The following PIK3C2G variants were observed in gnomAD, a reference collection of about 807,000 sequenced individuals.
The protein encoded by PIK3C2G is phosphatidylinositol 3-kinase C2 domain-containing subunit gamma.
Under a neutral mutation model 181.1 loss-of-function variants are expected in PIK3C2G, and 168 were observed. The ratio of observed to expected loss-of-function variants is 0.93; its 90% confidence interval spans 0.82 to 1.05. PIK3C2G has a LOEUF of 1.05. PIK3C2G is among the 50% of genes least tolerant of loss of function. The probability of loss-of-function intolerance (pLI) is 0.00; values close to 1 mark genes in which losing one functional copy is unlikely to be tolerated. For synonymous variants in PIK3C2G, 573 were observed against 592.2 expected (o/e 0.97, Z 0.47); for missense variants, 1,869 against 1,732.8 (o/e 1.08, Z -1.40).
rs751944085 is a variant in PIK3C2G at position 18,491,459 on chromosome 12, GAAGA to G, written c.2701_2704del (p.Glu901LeufsTer4). The G allele has an allele frequency of 1.3e-6, 2 of 1,565,618 alleles. No individual in the cohort carries two copies. Among genetic ancestry groups the G allele is most frequent in the African/African-American group, 1.4e-5 (1 of 74,038 alleles). ...CTAATGATTTTTCACAGGAGGTACTGAAGAAAGAAATTGGCAGACTAGAAGAGTT... is the reference window on the plus strand; with the variant it reads ...CTAATGATTTTTCACAGGAGGTACTGAAGAAATTGGCAGACTAGAAGAGTT... On this transcript the variant is annotated frameshift_variant, in exon 20 of 33. Transcript: ENST00000538779. LOFTEE classifies it high-confidence loss of function.
intron 5 of PIK3C2G, among the ~76,000 whole-genome samples, chr12:18,305,279 AGTTT>A (rs1280295276): frequency 1.3e-5 from 2 of 152,182 alleles, no homozygotes; most frequent in African/African-American, 2.4e-5. Flanking sequence ...TGCTAAATAA[AGTTT>A]GTTTATTATG....
At chr12:18,337,959 C>A (rs1008903879) in intron 8 of PIK3C2G, among the ~76,000 whole-genome samples, 4 of 152,158 alleles carry the variant, frequency 2.6e-5, no homozygotes, top group African/African-American at 9.7e-5. Flanking sequence ...GTTTGCCCAA[C>A]TATACACTGA....
chr12:18,720,136 T>C, the PIK3C2G span, among the ~76,000 whole-genome samples: 2 of 152,156 alleles, frequency 1.3e-5, no homozygotes, highest in South Asian at 2.1e-4. Context: ...TGGTTTCTTT[T>C]ACTCAACATT....
At chr12:18,350,316 TAA>T (rs1256142474) in intron 11 of PIK3C2G, among the ~76,000 whole-genome samples, 2 of 152,146 alleles carry the variant, frequency 1.3e-5, no homozygotes, top group African/African-American at 2.4e-5. Context: ...AAAAATCCCT[TAA>T]GTCACTCATA....
chr12:18,434,493 C>A (rs1219228184), intron 18 of PIK3C2G, among the ~76,000 whole-genome samples: 1 of 152,064 alleles, frequency 6.6e-6, no homozygotes, highest in African/African-American at 2.4e-5. Context: ...AGAATCATAG[C>A]ATATAATTGT....
intron 29 of PIK3C2G, among the ~76,000 whole-genome samples, chr12:18,582,439 G>T (rs1490833822): frequency 2.6e-5 from 4 of 152,114 alleles, no homozygotes; most frequent in Admixed American, 2.6e-4. Flanking sequence ...GACAGACTGA[G>T]CTACGTAGAA....
chr12:18,622,513 A>C (rs1417396963), intron 31 of PIK3C2G, among the ~76,000 whole-genome samples: 12 of 151,972 alleles, frequency 7.9e-5, no homozygotes, highest in African/African-American at 1.4e-4. Context: ...TGCTGCAATA[A>C]ATATGGCAGT....
the PIK3C2G span, among the ~76,000 whole-genome samples, chr12:18,680,184 T>A: frequency 2.0e-4 from 31 of 152,052 alleles, no homozygotes. Context: ...AGTCCCCCAG[T>A]AAAATGTCCA....
chr12:18,338,320 A>G, intron 8 of PIK3C2G, 106 bp from the exon 9 acceptor site: 4 of 871,496 alleles, frequency 4.6e-6, no homozygotes, highest in Non-Finnish European at 7.1e-6. Context: ...AAACAAGCAT[A>G]TTTTATTCCA....
In PIK3C2G at chr12:18,282,652, G is replaced by C. The variant is rs768265732; in HGVS notation, c.571G>C (p.Glu191Gln). ...SFSSDFMPKE[E>Q]NKRSGHVNIV... ...CTCAAGTGACTTCATGCCGAAAGAA[G>C]AGAATAAAAGGAGTGGACATGTGAA... The change falls in exon 2 of 33, where the codon GAG becomes CAG. Residue 191 changes from glutamate to glutamine, a missense_variant. By Grantham distance (29) the Glu-to-Gln change is conservative (BLOSUM62 2). Transcript: ENST00000538779. The C allele has an allele frequency of 5.0e-6, 8 of 1,613,472 alleles. No homozygotes were observed. In the East Asian group the frequency reaches 1.3e-4, roughly 27 times the overall value.
At chr12:18,551,767 C>A (rs141130186) in intron 26 of PIK3C2G, among the ~76,000 whole-genome samples, 3 of 152,216 alleles carry the variant, frequency 2.0e-5, no homozygotes, top group East Asian at 3.9e-4. Flanking sequence ...ATCCCAGAAA[C>A]CAATAGGGCT....
At chr12:18,567,221 G>T (rs1945687443) in intron 29 of PIK3C2G, among the ~76,000 whole-genome samples, 164 bp downstream of exon 29, 1 of 151,958 alleles carries the variant, frequency 6.6e-6, no homozygotes, top group Non-Finnish European at 1.5e-5. Flanking sequence ...CACAAAACGA[G>T]ACCTCATCTC....
At position 18,569,279 on chromosome 12, in the gene PIK3C2G, A is replaced by G. The variant is rs78590167; in HGVS notation, c.4011+2222A>G. Among the ~76,000 whole-genome samples the G allele has an allele frequency of 2.2e-4, 34 of 152,170 alleles. No individual in the cohort carries two copies. The East Asian group carries it at 6.2e-3, about 28-fold the overall frequency. The stretch of plus-strand genomic sequence containing the variant: ...AGATCAAATCCGAAGAGAGATATCT[A>G]AGGAACAGCAACTGTTCCAGTCCCC... On this transcript the variant is annotated intron_variant, in intron 29 of 32. Transcript: ENST00000538779.
intron 31 of PIK3C2G, among the ~76,000 whole-genome samples, chr12:18,610,554 GCTCA>G (rs1948281082): frequency 6.6e-6 from 1 of 152,092 alleles, no homozygotes; most frequent in South Asian, 2.1e-4. Context: ...AACCTCTGGT[GCTCA>G]CTATCAGCAA....
At chr12:18,345,476 TAAAC>T (rs1302554058) in intron 10 of PIK3C2G, among the ~76,000 whole-genome samples, 2 of 152,164 alleles carry the variant, frequency 1.3e-5, no homozygotes, top group African/African-American at 2.4e-5. Flanking sequence ...TAGCATGTGT[TAAAC>T]AACAACAAAA....
the PIK3C2G span, among the ~76,000 whole-genome samples, chr12:18,702,024 T>A: frequency 2.0e-5 from 3 of 152,172 alleles, no homozygotes; most frequent in East Asian, 1.9e-4. Context: ...CCATTTTTTT[T>A]ATATTTCCCA....
chr12:18,697,803 T>G, the PIK3C2G span, among the ~76,000 whole-genome samples: 1 of 41,816 alleles, frequency 2.4e-5, no homozygotes, highest in African/African-American at 2.1e-4. Flanking sequence ...TACAACATTA[T>G]TTTTTAATGA....
the PIK3C2G span, chr12:18,693,236 C>T: frequency 6.4e-7 from 1 of 1,555,300 alleles, no homozygotes; most frequent in Non-Finnish European, 8.9e-7. Context: ...TCAGGCTCAA[C>T]CACAAGGTGC....
intron 29 of PIK3C2G, among the ~76,000 whole-genome samples, chr12:18,593,923 A>G (rs1311030701): frequency 1.3e-5 from 2 of 151,798 alleles, no homozygotes; most frequent in Non-Finnish European, 2.9e-5. Flanking sequence ...CTCTCTCTTT[A>G]GAAAACAATT....
Sources: gnomAD v4.1 joint callset for allele counts (sites outside exome capture counted in the v4.1 genomes callset) on GRCh38, gnomAD v4.1.1 for gene constraint, MANE v1.5 for transcripts, NCBI Gene and HGNC (gene_info 2026-07-23, HGNC 2026-07-21) for gene names.